ZMIZ1: variants seen among roughly 807,000 people sequenced by gnomAD.
ZMIZ1 encodes zinc finger MIZ domain-containing protein 1.
ZMIZ1 carries 17 observed loss-of-function variants against 113.9 expected under a neutral mutation model. The ratio of observed to expected loss-of-function variants is 0.15; its 90% CI spans 0.10 to 0.22. ZMIZ1 has a LOEUF of 0.22. Among genes scored for constraint, ZMIZ1 ranks in the 10% least tolerant of loss-of-function variants. ZMIZ1 has a pLI of 1.00. For synonymous variants in ZMIZ1, 607 were observed against 603.1 expected (o/e 1.01, Z -0.09); for missense variants, 1,059 against 1,477.8 (o/e 0.72, Z 4.65).
intron 2 of ZMIZ1, among the ~76,000 whole-genome samples, chr10:79,123,870 C>T (rs758535786): frequency 1.3e-5 from 2 of 152,190 alleles, no homozygotes; most frequent in Admixed American, 6.5e-5. Flanking sequence ...GGGCCCAGCC[C>T]GTGGCCACAC....
At chr10:79,132,569 C>CT (rs778169526) in intron 2 of ZMIZ1, among the ~76,000 whole-genome samples, 1 of 152,246 alleles carries the variant, frequency 6.6e-6, no homozygotes. Context: ...TGGGATGAGA[C>CT]TGGGGGCCAA....
At chr10:79,264,600 C>T (rs2131918208) in intron 7 of ZMIZ1, among the ~76,000 whole-genome samples, 1 of 152,340 alleles carries the variant, frequency 6.6e-6, no homozygotes, top group Middle Eastern at 3.4e-3. Flanking sequence ...TGGCCCTGGC[C>T]TGCCACATAC....
At chr10:79,300,104 A>G (rs1394344869) in intron 16 of ZMIZ1, among the ~76,000 whole-genome samples, 1 of 152,214 alleles carries the variant, frequency 6.6e-6, no homozygotes, top group Non-Finnish European at 1.5e-5. Flanking sequence ...AGGAGCTGCA[A>G]CGCTCAGGCA....
chr10:79,074,395 TC>T (rs1842402100), intron 1 of ZMIZ1, among the ~76,000 whole-genome samples: 1 of 152,044 alleles, frequency 6.6e-6, no homozygotes, highest in Non-Finnish European at 1.5e-5. Context: ...TCACCTGTCT[TC>T]CCCCTCCCAT....
intron 4 of ZMIZ1, among the ~76,000 whole-genome samples, chr10:79,175,553 T>C (rs1298266470): frequency 6.7e-6 from 1 of 150,216 alleles, no homozygotes; most frequent in Non-Finnish European, 1.5e-5. Flanking sequence ...CTTGCTTGCC[T>C]CTGAGGACTT....
chr10:79,237,151 A>G (rs1334449584), intron 7 of ZMIZ1, among the ~76,000 whole-genome samples: 2 of 152,184 alleles, frequency 1.3e-5, no homozygotes, highest in Non-Finnish European at 2.9e-5. Context: ...CTGGAGGTGC[A>G]TCGGGTGCAT....
chr10:79,117,679 C>G (rs768500573), intron 1 of ZMIZ1, among the ~76,000 whole-genome samples: 7 of 152,120 alleles, frequency 4.6e-5, no homozygotes, highest in Non-Finnish European at 1.0e-4. Flanking sequence ...GGTAAGAGAC[C>G]CTTCCAAACT....
At chr10:79,147,355 A>T (rs1845533086) in intron 3 of ZMIZ1, among the ~76,000 whole-genome samples, 1 of 152,156 alleles carries the variant, frequency 6.6e-6, no homozygotes, top group African/African-American at 2.4e-5. Flanking sequence ...GACCAGGGGG[A>T]GCCGAGAAAG....
intron 2 of ZMIZ1, among the ~76,000 whole-genome samples, chr10:79,137,655 C>G (rs1035145135): frequency 1.3e-5 from 2 of 152,180 alleles, no homozygotes; most frequent in African/African-American, 4.8e-5. Flanking sequence ...GGTCCTTGCC[C>G]TCTGGGAGCT....
At chr10:79,194,406 A>G (rs1847748318) in intron 4 of ZMIZ1, among the ~76,000 whole-genome samples, 1 of 152,256 alleles carries the variant, frequency 6.6e-6, no homozygotes, top group Non-Finnish European at 1.5e-5. Context: ...AAGGTGGGAA[A>G]TAAAACACTT....
intron 1 of ZMIZ1, among the ~76,000 whole-genome samples, chr10:79,105,083 C>A (rs1484019912): frequency 6.6e-6 from 1 of 151,886 alleles, no homozygotes; most frequent in Non-Finnish European, 1.5e-5. Flanking sequence ...TCTTGAAATG[C>A]TATAAATATT....
At chr10:79,151,787 T>C (rs565418480) in intron 3 of ZMIZ1, among the ~76,000 whole-genome samples, 2 of 152,172 alleles carry the variant, frequency 1.3e-5, no homozygotes, top group Non-Finnish European at 2.9e-5. Flanking sequence ...TAGCTCTGAA[T>C]GGGAGTGGAC....
intron 8 of ZMIZ1, among the ~76,000 whole-genome samples, chr10:79,282,148 C>T (rs1022508764): frequency 1.3e-5 from 2 of 152,228 alleles, no homozygotes; most frequent in African/African-American, 4.8e-5. Flanking sequence ...CGGGGTCCAA[C>T]ACCTCATAAG....
intron 2 of ZMIZ1, among the ~76,000 whole-genome samples, chr10:79,120,166 T>C (rs1225752036): frequency 6.6e-6 from 1 of 152,018 alleles, no homozygotes; most frequent in East Asian, 1.9e-4. Context: ...TGGTGGTGAG[T>C]GCATAGATAA....
chr10:79,275,792 G>A (rs554790138), intron 7 of ZMIZ1, among the ~76,000 whole-genome samples: 267 of 152,308 alleles, frequency 1.8e-3, no homozygotes, highest in African/African-American at 5.8e-3. Context: ...GCTGACTCTG[G>A]CTGTGGTTAC....
At chr10:79,292,860 G>C in intron 11 of ZMIZ1, 3 of 462,892 alleles carry the variant, frequency 6.5e-6, no homozygotes, top group South Asian at 4.6e-5. Flanking sequence ...ATGCAGAACA[G>C]GAGGTGAGGA....
At chr10:79,300,375 G>T (rs1443722892) in intron 16 of ZMIZ1, among the ~76,000 whole-genome samples, 2 of 152,198 alleles carry the variant, frequency 1.3e-5, no homozygotes, top group East Asian at 3.8e-4. Flanking sequence ...GGGGTTGGCT[G>T]GCCTCACAGC....
chr10:79,093,849 C>T (rs1220771775), intron 1 of ZMIZ1, among the ~76,000 whole-genome samples: 1 of 152,154 alleles, frequency 6.6e-6, no homozygotes, highest in Non-Finnish European at 1.5e-5. Context: ...CTTCCTCTTT[C>T]TAGGAGGTGT....
chr10:79,155,505 C>T (rs1845872431), intron 3 of ZMIZ1, among the ~76,000 whole-genome samples: 2 of 152,240 alleles, frequency 1.3e-5, no homozygotes, highest in Admixed American at 6.5e-5. Flanking sequence ...AAGTCCAGCA[C>T]CAAGGGACTA....
Sources: gnomAD v4.1 joint callset for allele counts (sites outside exome capture counted in the v4.1 genomes callset) on GRCh38, gnomAD v4.1.1 for gene constraint, MANE v1.5 for transcripts, NCBI Gene and HGNC (gene_info 2026-07-23, HGNC 2026-07-21) for gene names.